Variants in PRKCA observed in about 807,000 individuals in gnomAD.
The protein encoded by PRKCA is protein kinase C alpha type.
Under a neutral mutation model 87.0 loss-of-function variants are expected in PRKCA, and 27 were observed. The ratio of observed to expected loss-of-function variants is 0.31; its 90% CI spans 0.23 to 0.43. The LOEUF is 0.43. Among genes scored for constraint, PRKCA ranks in the 20% least tolerant of loss-of-function variants. PRKCA has a pLI of 1.00. For synonymous variants in PRKCA, 329 were observed against 311.1 expected (o/e 1.06, Z -0.61); for missense variants, 518 against 852.3 (o/e 0.61, Z 4.88).
At chr17:66,782,745 G>C (rs1035842821) in intron 14 of PRKCA, among the ~76,000 whole-genome samples, 4 of 152,176 alleles carry the variant, frequency 2.6e-5, no homozygotes, top group African/African-American at 9.7e-5. Context: ...TTACATGCTG[G>C]GTGGGGCTGT....
intron 3 of PRKCA, among the ~76,000 whole-genome samples, chr17:66,536,979 A>G (rs147300010): frequency 6.6e-6 from 1 of 152,162 alleles, no homozygotes; most frequent in Non-Finnish European, 1.5e-5. Context: ...ACAGCTGGGC[A>G]TTCTTTGTGT....
intron 2 of PRKCA, among the ~76,000 whole-genome samples, chr17:66,431,755 T>G (rs1598665812): frequency 6.6e-6 from 1 of 152,292 alleles, no homozygotes; most frequent in African/African-American, 2.4e-5. Flanking sequence ...TTGGACACAT[T>G]AGTAGTTCAA....
chr17:66,808,994 C>G lies in PRKCA; in HGVS notation c.*4957C>G, dbSNP rs1321026809. 1 of 152,288 alleles carries G rather than the reference C, an allele frequency of 6.6e-6. No homozygotes were observed. Among genetic ancestry groups the G allele is most frequent in the East Asian group, 1.9e-4 (1 of 5,208 alleles). 9.4% of individuals were successfully genotyped at this position (152,288 alleles called of 1,614,324 possible). ...AAAGTGCTGGGATTACAGGCATGAG[C>G]CACCACGCCCAGCCAAAATATTTTT... On this transcript the variant is annotated 3_prime_UTR_variant, in exon 17 of 17. Coordinates refer to ENST00000413366, the MANE Select transcript of PRKCA (RefSeq NM_002737.3).
chr17:66,780,150 G>T (rs999148485), intron 14 of PRKCA, among the ~76,000 whole-genome samples: 5 of 152,214 alleles, frequency 3.3e-5, no homozygotes, highest in African/African-American at 7.2e-5. Context: ...GTTATTATGG[G>T]GATGTGATTC....
intron 3 of PRKCA, among the ~76,000 whole-genome samples, chr17:66,591,252 A>T (rs1398100856): frequency 6.6e-6 from 1 of 152,038 alleles, no homozygotes; most frequent in Non-Finnish European, 1.5e-5. Context: ...TCCCAGCCTC[A>T]AGCAATTGTC....
intron 3 of PRKCA, among the ~76,000 whole-genome samples, chr17:66,635,092 G>A (rs1434087984): frequency 3.3e-5 from 5 of 152,168 alleles, no homozygotes; most frequent in Admixed American, 2.0e-4. Flanking sequence ...AGGTGTTTCA[G>A]CAGGTGGAGT....
chr17:66,798,426 T>TGAC (rs1975732938), intron 16 of PRKCA, among the ~76,000 whole-genome samples: 14 of 136,570 alleles, frequency 1.0e-4, no homozygotes, highest in East Asian at 2.2e-4. Context: ...GTGGTGGTGG[T>TGAC]GGTGGTGACG....
chr17:66,384,692 C>A (rs1598629655), intron 2 of PRKCA, among the ~76,000 whole-genome samples: 1 of 151,886 alleles, frequency 6.6e-6, no homozygotes, highest in South Asian at 2.1e-4. Context: ...GTAGTGGTGC[C>A]ATCTCGGCTC....
At chr17:66,622,358 CAG>C (rs1420264421) in intron 3 of PRKCA, among the ~76,000 whole-genome samples, 1 of 152,202 alleles carries the variant, frequency 6.6e-6, no homozygotes, top group African/African-American at 2.4e-5. Context: ...CAATTACAAA[CAG>C]ATACGTTTAC....
At chr17:66,552,466 C>T (rs974070471) in intron 3 of PRKCA, among the ~76,000 whole-genome samples, 6 of 152,202 alleles carry the variant, frequency 3.9e-5, no homozygotes, top group Non-Finnish European at 8.8e-5. Flanking sequence ...GAAGTCTAAT[C>T]ATCTGAGGCT....
intron 2 of PRKCA, among the ~76,000 whole-genome samples, chr17:66,428,014 C>A (rs1261482075): frequency 7.2e-5 from 11 of 152,148 alleles, no homozygotes; most frequent in Admixed American, 2.0e-4. Context: ...TGGTACTGAG[C>A]AAAGACTTAA....
chr17:66,349,121 C>T (rs748245010), intron 2 of PRKCA, among the ~76,000 whole-genome samples: 15 of 152,238 alleles, frequency 9.9e-5, no homozygotes, highest in East Asian at 9.7e-4. Context: ...ATCAAGTGAA[C>T]GGTTTGCTCT....
intron 8 of PRKCA, among the ~76,000 whole-genome samples, chr17:66,732,476 G>C (rs1409426123): frequency 1.3e-5 from 2 of 152,174 alleles, no homozygotes; most frequent in African/African-American, 4.8e-5. Context: ...CTCTTAATAG[G>C]GAGAGCAGTT....
Position 66,614,198 on chromosome 17 carries a change from A to G in PRKCA, c.289-27157A>G, listed in dbSNP as rs188670712. Among the ~76,000 whole-genome samples the G allele has an allele frequency of 6.2e-3, 948 of 152,196 alleles. 31 individuals carry two copies. The highest frequency in any genetic ancestry group is 0.054 in the Admixed American group (831 of 15,288). ...TGAAGTGGAGGGGCAGGGGGTTGGG[A>G]GGATGGGACACAGAAACCTGGCCAC... On this transcript the variant is annotated intron_variant, in intron 3 of 16. Transcript: ENST00000413366.
chr17:66,774,215 C>T, intron 14 of PRKCA, 148 bp downstream of exon 14: 2 of 1,515,696 alleles, frequency 1.3e-6, no homozygotes, highest in Non-Finnish European at 1.8e-6. Context: ...GGGAGAAACG[C>T]CCCCTTCAAA....
chr17:66,744,195 TG>T (rs1462674106), intron 13 of PRKCA, among the ~76,000 whole-genome samples: 2 of 152,216 alleles, frequency 1.3e-5, no homozygotes, highest in Non-Finnish European at 2.9e-5. Flanking sequence ...GTGATCTTGC[TG>T]CATAACTTAC....
At chr17:66,422,255 A>G (rs6504431) in intron 2 of PRKCA, among the ~76,000 whole-genome samples, 128,955 of 152,012 alleles carry the variant, frequency 0.85, 55,467 homozygotes, top group South Asian at 0.96. Context: ...GGAGACTAAC[A>G]TGAATTTTTG....
chr17:66,320,216 G>A (rs865774903), intron 2 of PRKCA, among the ~76,000 whole-genome samples: 5 of 152,220 alleles, frequency 3.3e-5, no homozygotes, highest in South Asian at 2.1e-4. Flanking sequence ...TAAGAGTTAA[G>A]TGACTTGCTG....
rs527724222 is a variant in PRKCA at position 66,715,381 on chromosome 17, G to C, written c.919-17307G>C. Among the ~76,000 whole-genome samples the C allele has an allele frequency of 1.5e-4, 23 of 152,290 alleles. No individual in the cohort carries two copies. The East Asian group carries it at 4.0e-3, about 27-fold the overall frequency. Reference sequence around the variant, plus strand: ...CATTGAACTCTGCCCTCGTGTAACTGTCGTTACTTCTCACTATTTTCCAGG... The same window carrying C: ...CATTGAACTCTGCCCTCGTGTAACTCTCGTTACTTCTCACTATTTTCCAGG... On this transcript the variant is annotated intron_variant, in intron 8 of 16. Coordinates refer to ENST00000413366, the MANE Select transcript of PRKCA (RefSeq NM_002737.3).
Sources: gnomAD v4.1 joint callset for allele counts (sites outside exome capture counted in the v4.1 genomes callset) on GRCh38, gnomAD v4.1.1 for gene constraint, MANE v1.5 for transcripts, NCBI Gene and HGNC (gene_info 2026-07-23, HGNC 2026-07-21) for gene names.